The following SNAP91 variants were observed in gnomAD, a reference collection of about 807,000 sequenced individuals.
SNAP91 encodes the protein synaptosome associated protein 91, also known as clathrin coat assembly protein AP180.
A neutral mutation model predicts 100.3 loss-of-function variants in SNAP91; 27 were observed. The ratio of observed to expected loss-of-function variants is 0.27; its 90% CI spans 0.20 to 0.37. The LOEUF is 0.37. SNAP91 is among the 10% of genes least tolerant of loss of function. SNAP91 has a pLI of 1.00. For synonymous variants in SNAP91, 404 were observed against 398.6 expected, an observed-to-expected ratio of 1.01 and a Z score of -0.16; for missense variants, 986 against 1,123.7, an observed-to-expected ratio of 0.88 and a Z score of 1.75.
At chr6:83,703,156 G>GT (rs1245028528) in intron 2 of SNAP91, among the ~76,000 whole-genome samples, 1 of 136,224 alleles carries the variant, frequency 7.3e-6, no homozygotes. Flanking sequence ...GTGAGAGGGT[G>GT]TGTTTTTTTT....
intron 26 of SNAP91, among the ~76,000 whole-genome samples, 178 bp downstream of exon 26, chr6:83,574,832 G>A (rs6940821): frequency 3.0e-4 from 46 of 151,880 alleles, no homozygotes; most frequent in African/African-American, 1.1e-3. Flanking sequence ...GCTATCAAAT[G>A]TTTTCATACC....
intron 16 of SNAP91, 36 bp from the exon 17 acceptor site, chr6:83,594,517 GA>G (rs933672467): frequency 9.6e-5 from 116 of 1,214,630 alleles, no homozygotes; most frequent in Non-Finnish European, 1.3e-4. Flanking sequence ...GAAATTAAAA[GA>G]ATAAAAAGAG....
chr6:83,675,826 G>GAACACACACACA (rs2098863529), intron 2 of SNAP91, among the ~76,000 whole-genome samples: 2 of 28,120 alleles, frequency 7.1e-5, no homozygotes, highest in South Asian at 3.5e-3. Context: ...ACACTTGAAG[G>GAACACACACACA]AACACACACA....
At chr6:83,609,964 CCAAA>C (rs1451521913) in intron 12 of SNAP91, among the ~76,000 whole-genome samples, 14 of 152,148 alleles carry the variant, frequency 9.2e-5, no homozygotes, top group African/African-American at 2.6e-4. Context: ...AATATTTAGT[CCAAA>C]CAAAGGACTA....
intron 2 of SNAP91, among the ~76,000 whole-genome samples, chr6:83,672,643 A>T (rs1158466531): frequency 3.3e-5 from 5 of 152,184 alleles, no homozygotes; most frequent in Admixed American, 3.3e-4. Context: ...TATAAAAGAC[A>T]CTTAGTAAAT....
chr6:83,568,476 TATAATAATAATAATA>T (rs56267925), intron 26 of SNAP91, among the ~76,000 whole-genome samples: 1 of 147,476 alleles, frequency 6.8e-6, no homozygotes, highest in Non-Finnish European at 1.5e-5. Flanking sequence ...CACATTAAAG[TATAATAATAATAATA>T]ATAATAATAA....
At chr6:83,594,600 T>C in intron 16 of SNAP91, 119 bp from the exon 17 acceptor site, 1 of 602,714 alleles carries the variant, frequency 1.7e-6, no homozygotes, top group East Asian at 3.0e-5. Context: ...TTTTTAAAAA[T>C]GCATTTTTAT....
At chr6:83,648,209 A>G (rs961234009) in intron 7 of SNAP91, among the ~76,000 whole-genome samples, 1 of 152,202 alleles carries the variant, frequency 6.6e-6, no homozygotes, top group Non-Finnish European at 1.5e-5. Context: ...ATAGCCATAC[A>G]TTACACACTC....
In SNAP91 at chr6:83,560,107, C is replaced by A. The variant is rs770091414; in HGVS notation, c.2628G>T (p.Thr876=). The A allele has an allele frequency of 8.0e-5, 129 of 1,612,248 alleles. 1 individual carries two copies. The highest frequency in any genetic ancestry group is 1.0e-4 in the Non-Finnish European group (122 of 1,178,532). The change falls in exon 28 of 30, where the codon ACG becomes ACT. Residue 876 remains threonine (T), a synonymous_variant. Transcript: ENST00000369694. ...TGTGGACATTGAAGAAACTGACCTG[C>A]GTGCCAGGTACAGCGGCAGCTCCAA... ...PPFGAAAVPG[T]QLSPSPTPAS...
chr6:83,575,067 C>A lies in SNAP91; in HGVS notation c.2385G>T (p.Trp795Cys). The A allele has an allele frequency of 6.2e-7, 1 of 1,606,266 alleles. No homozygotes were observed. The highest frequency in any genetic ancestry group is 8.5e-7 in the Non-Finnish European group (1 of 1,176,168). The change falls in exon 26 of 30, where the codon TGG (tryptophan) becomes TGT (cysteine). Residue 795 changes from tryptophan (W) to cysteine (C), a missense_variant. Physicochemically the swap from Trp to Cys is radical, Grantham distance 215 (BLOSUM62 -2). Transcript: ENST00000369694. Reference protein sequence around the residue: ...GEKKLTGGANWQPKVAPATWS... With the variant: ...GEKKLTGGANCQPKVAPATWS... ...AGGTTGCTGGAGCTACTTTAGGCTGCCAGTTGGCTCCACCAGTCAACTTTT... is the reference window on the plus strand; with the variant it reads ...AGGTTGCTGGAGCTACTTTAGGCTGACAGTTGGCTCCACCAGTCAACTTTT...
Position 83,601,259 on chromosome 6 carries a change from A to T in SNAP91, c.1324+12T>A, listed in dbSNP as rs771825959. The T allele has an allele frequency of 6.2e-7, 1 of 1,612,626 alleles. No individual in the cohort carries two copies. Among genetic ancestry groups the T allele is most frequent in the Non-Finnish European group, 8.5e-7 (1 of 1,179,050 alleles). ...TCCTGAAAAAATGAAAGTAGCAGCG[A>T]GACTAACTAACCTCCAAAGAGATCC... On this transcript the variant is annotated intron_variant, in intron 16 of 29. Transcript: ENST00000369694.
intron 22 of SNAP91, among the ~76,000 whole-genome samples, chr6:83,585,678 T>G (rs571006193): frequency 3.3e-5 from 5 of 152,222 alleles, no homozygotes; most frequent in African/African-American, 1.2e-4. Flanking sequence ...GTTGATACAC[T>G]GCTTTTTAAT....
At chr6:83,676,805 A>G (rs1752793352) in intron 2 of SNAP91, among the ~76,000 whole-genome samples, 1 of 152,200 alleles carries the variant, frequency 6.6e-6, no homozygotes, top group African/African-American at 2.4e-5. Flanking sequence ...TCAGGGAGAC[A>G]AATAAAAGAG....
intron 29 of SNAP91, among the ~76,000 whole-genome samples, chr6:83,555,495 C>A (rs1181900067): frequency 6.6e-6 from 1 of 152,096 alleles, no homozygotes; most frequent in African/African-American, 2.4e-5. Context: ...TGAAAAGTAC[C>A]GTGTAAATTA....
At chr6:83,604,791 T>C (rs1359253413) in intron 14 of SNAP91, among the ~76,000 whole-genome samples, 1 of 152,174 alleles carries the variant, frequency 6.6e-6, no homozygotes, top group Non-Finnish European at 1.5e-5. Flanking sequence ...AACCTAGCCA[T>C]CTTATTCTAA....
At chr6:83,578,502 T>C (rs1262489009) in intron 24 of SNAP91, among the ~76,000 whole-genome samples, 1 of 152,216 alleles carries the variant, frequency 6.6e-6, no homozygotes, top group East Asian at 1.9e-4. Flanking sequence ...GCCATCTGTA[T>C]ATATTCTTTG....
chr6:83,560,979 T>C, intron 26 of SNAP91, 32 bp from the exon 27 acceptor site: 1 of 1,448,192 alleles, frequency 6.9e-7, no homozygotes, highest in Non-Finnish European at 9.4e-7. Flanking sequence ...CACATATAAA[T>C]AACACAAAAA....
rs1416120093 is a variant in SNAP91, at chr6:83,594,490, C to T, written c.1325-9G>A. 1.6e-5 allele frequency: 24 copies of T among 1,459,224 alleles called. No individual in the cohort carries two copies. The highest frequency in any genetic ancestry group is 1.0e-4 in the East Asian group (4 of 38,262). 90.4% of individuals were successfully genotyped at this position (1,459,224 alleles called of 1,614,324 possible). ...AGAAGCTGCAAAGGCATCTTGGGTGCGGTTTTTAAAACAGCAGAAATTAAA... is the reference window on the plus strand; with the variant it reads ...AGAAGCTGCAAAGGCATCTTGGGTGTGGTTTTTAAAACAGCAGAAATTAAA... On this transcript the variant is annotated splice_polypyrimidine_tract_variant and intron_variant, in intron 16 of 29. Coordinates refer to ENST00000369694, the MANE Select transcript of SNAP91 (RefSeq NM_001242792.2).
chr6:83,577,570 G>T (rs1821065311), intron 24 of SNAP91, among the ~76,000 whole-genome samples: 1 of 152,148 alleles, frequency 6.6e-6, no homozygotes. Context: ...CTGGGCCTCT[G>T]TTGCAAGCTA....
Sources: allele counts gnomAD v4.1 joint callset (sites outside exome capture counted in the v4.1 genomes callset), GRCh38; gene constraint gnomAD v4.1.1; transcripts MANE v1.5; gene names NCBI Gene and HGNC (gene_info 2026-07-23, HGNC 2026-07-21).